The following UAP1 variants were observed in gnomAD, a reference collection of about 807,000 sequenced individuals.
The protein encoded by UAP1 is UDP-N-acetylhexosamine pyrophosphorylase.
In UAP1, 25 loss-of-function variants were observed where a neutral mutation model predicts 58.5. That is an observed-to-expected ratio of 0.43 (90% CI 0.31 to 0.60). UAP1 has a LOEUF of 0.60. UAP1 is among the 20% of genes least tolerant of loss of function. UAP1 has a pLI of 0.11. For synonymous variants in UAP1, 208 were observed against 213.0 expected, an observed-to-expected ratio of 0.98 and a Z score of 0.21; for missense variants, 575 against 630.0, an observed-to-expected ratio of 0.91 and a Z score of 0.93.
intron 5 of UAP1, among the ~76,000 whole-genome samples, chr1:162,582,187 A>G (rs894143773): frequency 1.3e-5 from 2 of 152,216 alleles, no homozygotes; most frequent in Non-Finnish European, 2.9e-5. Context: ...CTGTATAGGT[A>G]TCCATTCTCA....
At chr1:162,587,549 A>G (rs1027770634) in exon 6 of UAP1, 1 of 1,614,012 alleles carries the variant, frequency 6.2e-7, no homozygotes, top group Admixed American at 1.7e-5. Context: ...AGGTGGTAGA[A>G]TATAGTGAGA....
At chr1:162,567,431 T>C (rs1475943488) in intron 2 of UAP1, among the ~76,000 whole-genome samples, 2 of 152,210 alleles carry the variant, frequency 1.3e-5, no homozygotes, top group Admixed American at 1.3e-4. Flanking sequence ...TTCTAAAGCA[T>C]GTAAAAAAAT....
chr1:162,597,664 T>A, intron 9 of UAP1, 128 bp from the exon 10 acceptor site: 1 of 697,818 alleles, frequency 1.4e-6, no homozygotes, highest in African/African-American at 1.8e-5. Context: ...CAGGGTAGCA[T>A]CTATTCCATT....
chr1:162,570,036 C>A (rs1653753853), intron 2 of UAP1, among the ~76,000 whole-genome samples: 1 of 151,942 alleles, frequency 6.6e-6, no homozygotes, highest in Non-Finnish European at 1.5e-5. Context: ...GTAGTCCCAG[C>A]TACTCGGGAG....
At chr1:162,566,955 T>C (rs1485244761) in intron 2 of UAP1, among the ~76,000 whole-genome samples, 2 of 152,190 alleles carry the variant, frequency 1.3e-5, no homozygotes, top group East Asian at 3.9e-4. Flanking sequence ...AAACCTGCCC[T>C]AACCTGATCC....
intron 6 of UAP1, among the ~76,000 whole-genome samples, chr1:162,588,335 A>G (rs986497061): frequency 6.6e-6 from 1 of 152,258 alleles, no homozygotes; most frequent in African/African-American, 2.4e-5. Flanking sequence ...TATCAACTCC[A>G]GTTCCAAAAT....
chr1:162,575,564 T>G (rs1654126587), intron 2 of UAP1, among the ~76,000 whole-genome samples: 1 of 151,042 alleles, frequency 6.6e-6, no homozygotes, highest in African/African-American at 2.4e-5. Flanking sequence ...CCTGAGTAGC[T>G]GGGATTACAG....
chr1:162,565,549 TA>T (rs1360676015), intron 1 of UAP1, among the ~76,000 whole-genome samples: 2 of 152,240 alleles, frequency 1.3e-5, no homozygotes, highest in Non-Finnish European at 2.9e-5. Context: ...CACATGATAG[TA>T]TTTCTATCAT....
At chr1:162,581,200 G>A in intron 4 of UAP1, 87 bp from the exon 5 acceptor site, 6 of 1,419,882 alleles carry the variant, frequency 4.2e-6, no homozygotes, top group Admixed American at 2.3e-5. Flanking sequence ...TGTTTTTTAG[G>A]GATCTTAACC....
At chr1:162,588,961 A>C in intron 7 of UAP1, 128 bp downstream of exon 7, 6 of 956,174 alleles carry the variant, frequency 6.3e-6, no homozygotes, top group Non-Finnish European at 8.8e-6. Flanking sequence ...TTTGATTGTG[A>C]GTATGTAGTC....
intron 2 of UAP1, among the ~76,000 whole-genome samples, chr1:162,573,831 G>A (rs1490770589): frequency 6.6e-6 from 1 of 151,906 alleles, no homozygotes; most frequent in Non-Finnish European, 1.5e-5. Context: ...AAGTGCGCTG[G>A]TGTGCACCTG....
chr1:162,575,311 C>G (rs1414038948), intron 2 of UAP1, among the ~76,000 whole-genome samples: 3 of 151,596 alleles, frequency 2.0e-5, no homozygotes, highest in Non-Finnish European at 4.4e-5. Context: ...TCGGGTAATC[C>G]TCCCGCCTTG....
intron 5 of UAP1, among the ~76,000 whole-genome samples, chr1:162,584,456 G>T (rs1349439765): frequency 6.6e-6 from 1 of 152,134 alleles, no homozygotes; most frequent in East Asian, 1.9e-4. Flanking sequence ...TGTGGTAGTA[G>T]AATTATTTGC....
At chr1:162,598,447 C>G (rs1655741206) in intron 10 of UAP1, among the ~76,000 whole-genome samples, 1 of 152,174 alleles carries the variant, frequency 6.6e-6, no homozygotes, top group African/African-American at 2.4e-5. Context: ...TAACAGACAT[C>G]TGCAATATCT....
At chr1:162,585,165 T>C (rs1315312025) in intron 5 of UAP1, among the ~76,000 whole-genome samples, 1 of 152,136 alleles carries the variant, frequency 6.6e-6, no homozygotes, top group Non-Finnish European at 1.5e-5. Context: ...GCTGGGATTA[T>C]AGGTGTAAGC....
intron 2 of UAP1, among the ~76,000 whole-genome samples, chr1:162,574,791 C>G (rs1343171947): frequency 1.3e-5 from 2 of 151,612 alleles, no homozygotes; most frequent in Admixed American, 6.6e-5. Flanking sequence ...TGGATTATGG[C>G]AAGATTTTTT....
intron 10 of UAP1, among the ~76,000 whole-genome samples, chr1:162,598,922 A>G (rs577515233): frequency 5.6e-4 from 85 of 152,214 alleles, no homozygotes; most frequent in African/African-American, 2.0e-3. Context: ...AGGCTGAGGC[A>G]CGAGAATTGC....
chr1:162,594,289 G>C (rs1655493528), intron 9 of UAP1, among the ~76,000 whole-genome samples: 2 of 152,198 alleles, frequency 1.3e-5, no homozygotes, highest in South Asian at 4.1e-4. Flanking sequence ...ACACAACCTA[G>C]ATCCCTTACA....
exon 4 of UAP1, chr1:162,579,545 C>T (rs1370585674): frequency 6.2e-7 from 1 of 1,609,358 alleles, no homozygotes; most frequent in African/African-American, 1.3e-5. Flanking sequence ...TGCTCCCCGC[C>T]ATGAGTTTTG....
Sources: gnomAD v4.1 joint callset for allele counts (sites outside exome capture counted in the v4.1 genomes callset) on GRCh38, gnomAD v4.1.1 for gene constraint, MANE v1.5 for transcripts, NCBI Gene and HGNC (gene_info 2026-07-23, HGNC 2026-07-21) for gene names.